Variants in TAX1BP1 observed in about 807,000 individuals in gnomAD.
TAX1BP1 encodes Tax1 binding protein 1.
In TAX1BP1, 62 loss-of-function variants were observed where a neutral mutation model predicts 97.7. The observed-to-expected ratio is 0.63, with a 90% CI of 0.52 to 0.78. The LOEUF (loss-of-function observed/expected upper bound fraction) is 0.78. Ranked by LOEUF, TAX1BP1 falls within the 30% of genes least tolerant of loss-of-function variation. TAX1BP1 has a pLI of 0.00. For missense variants in TAX1BP1, 867 were observed against 916.1 expected, an observed-to-expected ratio of 0.95 and a Z score of 0.69; for synonymous variants, 340 against 304.2, an observed-to-expected ratio of 1.12 and a Z score of -1.23.
chr7:27,774,991 T>C (rs1788975083), intron 5 of TAX1BP1, among the ~76,000 whole-genome samples: 1 of 152,188 alleles, frequency 6.6e-6, no homozygotes, highest in South Asian at 2.1e-4. Context: ...TTAATACCTT[T>C]TAAATTATGT....
At chr7:27,780,250 C>G (rs970170672) in intron 5 of TAX1BP1, among the ~76,000 whole-genome samples, 1 of 152,124 alleles carries the variant, frequency 6.6e-6, no homozygotes, top group Non-Finnish European at 1.5e-5. Flanking sequence ...AGATAAAAAT[C>G]AAATTACCAA....
chr7:27,785,081 A>C, intron 5 of TAX1BP1, 82 bp from the exon 6 acceptor site: 1 of 1,362,932 alleles, frequency 7.3e-7, no homozygotes. Flanking sequence ...CTAAGAATAC[A>C]TAGTTTTCTT....
chr7:27,774,276 C>A (rs1788946185), intron 5 of TAX1BP1, among the ~76,000 whole-genome samples: 1 of 152,044 alleles, frequency 6.6e-6, no homozygotes, highest in Admixed American at 6.6e-5. Flanking sequence ...GCATATACTG[C>A]AAAGAACAAC....
intron 13 of TAX1BP1, among the ~76,000 whole-genome samples, chr7:27,808,545 G>C (rs764284561): frequency 3.3e-5 from 5 of 152,106 alleles, no homozygotes; most frequent in Admixed American, 2.0e-4. Context: ...TGTACTCTCC[G>C]CGCTCCTTTA....
chr7:27,756,731 C>G (rs1788231853), intron 2 of TAX1BP1, among the ~76,000 whole-genome samples: 1 of 152,096 alleles, frequency 6.6e-6, no homozygotes, highest in Non-Finnish European at 1.5e-5. Context: ...CTTTTAGGTT[C>G]ATTACCTAAT....
intron 8 of TAX1BP1, 78 bp from the exon 9 acceptor site, chr7:27,791,928 A>G: frequency 7.0e-7 from 1 of 1,419,578 alleles, no homozygotes; most frequent in Non-Finnish European, 9.8e-7. Flanking sequence ...CCCTGTTGAA[A>G]TATGTGCGAA....
chr7:27,794,534 GTTCATAAAAATT>G lies in TAX1BP1; in HGVS notation c.1534+94_1534+105del, dbSNP rs1789848340. On this transcript the variant is annotated intron_variant, in intron 11 of 16. Coordinates refer to ENST00000396319, the MANE Select transcript of TAX1BP1 (RefSeq NM_006024.7). ...CTTCCATGTGTTAGAATTTCAGGATGTTCATAAAAATTTTCATGTGATAAGTGAAGGAATTGA... is the reference window on the plus strand; with the variant it reads ...CTTCCATGTGTTAGAATTTCAGGATGTTCATGTGATAAGTGAAGGAATTGA... 4.4e-6 allele frequency: 6 copies of G among 1,369,422 alleles called. No individual in the cohort carries two copies. In the East Asian group the frequency reaches 9.8e-5, roughly 22 times the overall value. 84.8% of individuals were successfully genotyped at this position (1,369,422 alleles called of 1,614,324 possible). A position where few individuals can be genotyped will look rare whatever the true frequency, so the allele number is the denominator to read the frequency against.
intron 4 of TAX1BP1, 119 bp downstream of exon 4, chr7:27,766,140 G>C (rs1178335184): frequency 4.7e-6 from 5 of 1,066,016 alleles, no homozygotes; most frequent in Non-Finnish European, 6.7e-6. Flanking sequence ...GAATGCTTTG[G>C]CTGGGCGCAG....
intron 4 of TAX1BP1, 119 bp from the exon 5 acceptor site, chr7:27,769,557 G>A (rs777810139): frequency 5.1e-6 from 4 of 777,794 alleles, no homozygotes; most frequent in East Asian, 2.8e-5. Context: ...TAGGTAGAAT[G>A]TAAGAGTTCT....
rs1021557310 is a variant in TAX1BP1, at chr7:27,748,771, T to C, written c.162+85T>C. 2.4e-5 allele frequency: 26 copies of C among 1,087,950 alleles called. No homozygotes were observed. In the African/African-American group the frequency reaches 4.2e-4, roughly 17 times the overall value. The allele number at this position is 1,087,950 out of a possible 1,614,324, so 67.4% of individuals were successfully genotyped here. ...GATTGATAAGTAGCTTTTACTTGCC[T>C]TAACTCTGCATTAAGACTCATTTTT... On this transcript the variant is annotated intron_variant, in intron 2 of 16. Transcript: ENST00000396319.
At chr7:27,754,155 G>A (rs1388768304) in intron 2 of TAX1BP1, among the ~76,000 whole-genome samples, 1 of 152,102 alleles carries the variant, frequency 6.6e-6, no homozygotes, top group Non-Finnish European at 1.5e-5. Flanking sequence ...CTGCTGTCAA[G>A]CACATCAAAA....
In TAX1BP1 at chr7:27,772,555, AT is replaced by A. The variant is rs145572648; in HGVS notation, c.612+2722del. On this transcript the variant is annotated intron_variant, in intron 5 of 16. Transcript: ENST00000396319. ...TTACCTATTCCATACTTGACAAAAA[AT>A]AAAAGTGAATTAAATTCTGTAATTG... The A allele has an allele frequency of 5.8e-3, 877 of 152,158 alleles. 7 individuals are homozygous for A. Among genetic ancestry groups the A allele is most frequent in the African/African-American group, 0.017 (695 of 41,562 alleles). The allele number at this position is 152,158 out of a possible 1,614,324, so 9.4% of individuals were successfully genotyped here. A position where few individuals can be genotyped will look rare whatever the true frequency, so the allele number is the denominator to read the frequency against.
intron 11 of TAX1BP1, 113 bp downstream of exon 11, chr7:27,794,559 G>A (rs1200019638): frequency 1.7e-6 from 2 of 1,191,840 alleles, no homozygotes; most frequent in Non-Finnish European, 2.3e-6. Flanking sequence ...CATGTGATAA[G>A]TGAAGGAATT....
intron 3 of TAX1BP1, among the ~76,000 whole-genome samples, chr7:27,760,752 AAG>A (rs557008910): frequency 2.2e-3 from 332 of 152,302 alleles, no homozygotes; most frequent in Non-Finnish European, 3.6e-3. Context: ...TATAGTCGCT[AAG>A]AGAGAGCATC....
chr7:27,760,719 C>T (rs879931513), intron 3 of TAX1BP1, among the ~76,000 whole-genome samples: 26 of 152,158 alleles, frequency 1.7e-4, no homozygotes, highest in Non-Finnish European at 3.1e-4. Context: ...TGATCCCTCC[C>T]TTGAGTTTCA....
intron 13 of TAX1BP1, among the ~76,000 whole-genome samples, chr7:27,806,746 G>A (rs1349472564): frequency 6.6e-6 from 1 of 152,084 alleles, no homozygotes; most frequent in Non-Finnish European, 1.5e-5. Flanking sequence ...TGAAGGGTTA[G>A]TTTTCCATAG....
chr7:27,799,502 C>G (rs1329800174), intron 12 of TAX1BP1, among the ~76,000 whole-genome samples: 4 of 152,004 alleles, frequency 2.6e-5, no homozygotes, highest in South Asian at 2.1e-4. Context: ...GTAATATATA[C>G]TTATTGTGAA....
chr7:27,795,722 T>C (rs991562593), intron 11 of TAX1BP1, among the ~76,000 whole-genome samples: 3 of 152,044 alleles, frequency 2.0e-5, no homozygotes, highest in African/African-American at 7.2e-5. Flanking sequence ...CTGGCTAATT[T>C]TTTGTATTTT....
intron 12 of TAX1BP1, among the ~76,000 whole-genome samples, chr7:27,798,671 A>G (rs1252344729): frequency 1.3e-5 from 2 of 151,542 alleles, no homozygotes; most frequent in Non-Finnish European, 2.9e-5. Context: ...CTCAAAAAAA[A>G]AAAAAAAAAA....
Sources: gnomAD v4.1 joint callset for allele counts (sites outside exome capture counted in the v4.1 genomes callset) on GRCh38, gnomAD v4.1.1 for gene constraint, MANE v1.5 for transcripts, NCBI Gene and HGNC (gene_info 2026-07-23, HGNC 2026-07-21) for gene names.